DPP10: variants seen among roughly 807,000 people sequenced by gnomAD.
DPP10 encodes the protein inactive dipeptidyl peptidase 10.
In DPP10, 33 loss-of-function variants were observed where a neutral mutation model predicts 120.9. The ratio of observed to expected loss-of-function variants is 0.27; its 90% confidence interval spans 0.21 to 0.37. The LOEUF (loss-of-function observed/expected upper bound fraction) is 0.37, where lower values mean the gene tolerates loss of function less well. Among genes scored for constraint, DPP10 ranks in the 10% least tolerant of loss-of-function variants. The pLI is 1.00. For missense variants in DPP10, 816 were observed against 942.8 expected, an observed-to-expected ratio of 0.87 and a Z score of 1.76; for synonymous variants, 337 against 326.1, an observed-to-expected ratio of 1.03 and a Z score of -0.36.
chr2:115,528,391 C>CA (rs997308568), intron 5 of DPP10, among the ~76,000 whole-genome samples: 39 of 148,510 alleles, frequency 2.6e-4, no homozygotes, highest in Non-Finnish European at 3.3e-4. Context: ...AAATAAAAAC[C>CA]AAAAAAAAGA....
At chr2:115,071,035 A>G (rs1316521955) in intron 1 of DPP10, among the ~76,000 whole-genome samples, 1 of 152,202 alleles carries the variant, frequency 6.6e-6, no homozygotes, top group Non-Finnish European at 1.5e-5. Flanking sequence ...TAATGTTGCA[A>G]TTAAATGTCT....
At chr2:114,762,885 A>G (rs1162973542) in intron 1 of DPP10, among the ~76,000 whole-genome samples, 3 of 152,208 alleles carry the variant, frequency 2.0e-5, no homozygotes, top group African/African-American at 7.2e-5. Flanking sequence ...GAGATAAGAG[A>G]CACAGACTTT....
chr2:115,245,291 A>G (rs1559305463), intron 1 of DPP10, among the ~76,000 whole-genome samples: 1 of 152,088 alleles, frequency 6.6e-6, no homozygotes, highest in Non-Finnish European at 1.5e-5. Context: ...GCAAAAACAA[A>G]TAACCTCATC....
intron 4 of DPP10, among the ~76,000 whole-genome samples, chr2:115,509,658 T>C (rs978209698): frequency 5.3e-5 from 8 of 152,018 alleles, no homozygotes; most frequent in African/African-American, 1.7e-4. Context: ...AGAGCAAGAC[T>C]CTGTCTCAAA....
chr2:115,437,226 C>T (rs763412849), intron 3 of DPP10, among the ~76,000 whole-genome samples: 8 of 152,054 alleles, frequency 5.3e-5, no homozygotes, highest in Non-Finnish European at 1.0e-4. Context: ...AAGGAGATTT[C>T]TACTGAATTA....
intron 1 of DPP10, among the ~76,000 whole-genome samples, chr2:115,087,234 G>A (rs60600614): frequency 0.14 from 21,029 of 152,176 alleles, 1,676 homozygotes; most frequent in East Asian, 0.17. Context: ...AGTAGGCCGC[G>A]AGTTAAAAGA....
intron 11 of DPP10, among the ~76,000 whole-genome samples, chr2:115,759,770 G>A (rs1035361067): frequency 6.6e-6 from 1 of 152,036 alleles, no homozygotes; most frequent in African/African-American, 2.4e-5. Flanking sequence ...CAACACTTTG[G>A]GAGGCGGAGG....
At chr2:115,552,530 T>A (rs760079485) in intron 5 of DPP10, among the ~76,000 whole-genome samples, 2 of 152,100 alleles carry the variant, frequency 1.3e-5, no homozygotes, top group Non-Finnish European at 2.9e-5. Flanking sequence ...TCATCTCCCC[T>A]TTTATCTTGG....
intron 19 of DPP10, among the ~76,000 whole-genome samples, chr2:115,805,259 C>A (rs983988804): frequency 6.6e-6 from 1 of 152,120 alleles, no homozygotes; most frequent in Non-Finnish European, 1.5e-5. Flanking sequence ...CCTGGTGCAC[C>A]GTTTGTGAAG....
intron 3 of DPP10, among the ~76,000 whole-genome samples, chr2:115,431,194 A>G (rs369326725): frequency 1.2e-4 from 19 of 152,360 alleles, no homozygotes; most frequent in African/African-American, 3.8e-4. Context: ...TGTCCTGACC[A>G]GAGATCTAAA....
intron 12 of DPP10, among the ~76,000 whole-genome samples, chr2:115,764,671 T>C (rs534172582): frequency 1.3e-5 from 2 of 152,288 alleles, no homozygotes; most frequent in Non-Finnish European, 2.9e-5. Flanking sequence ...TTTATGAATG[T>C]TTAATAGAAA....
At chr2:114,732,662 T>C (rs1300597151) in intron 1 of DPP10, among the ~76,000 whole-genome samples, 1 of 152,214 alleles carries the variant, frequency 6.6e-6, no homozygotes, top group Admixed American at 6.5e-5. Context: ...GGAGAAATTA[T>C]ACTATGGATT....
In DPP10 at chr2:114,851,910, A is replaced by G. The variant is rs143732704; in HGVS notation, c.60+409072A>G. 5.8e-3 allele frequency among the ~76,000 whole-genome samples: 888 copies of G among 151,916 alleles called. 10 individuals are homozygous for G. Among genetic ancestry groups the G allele is most frequent in the African/African-American group, 0.021 (853 of 41,418 alleles). ...CTCCCATTTCTAATTCATTATCTTT[A>G]TTTCTCTTGGAGTTTTTTTCATGAA... is the stretch of plus-strand genomic sequence containing the variant. On this transcript the variant is annotated intron_variant, in intron 1 of 25. Coordinates refer to ENST00000410059, the MANE Select transcript of DPP10 (RefSeq NM_020868.6).
intron 8 of DPP10, among the ~76,000 whole-genome samples, chr2:115,729,172 A>G (rs1399751485): frequency 1.3e-5 from 2 of 152,180 alleles, no homozygotes; most frequent in Admixed American, 6.5e-5. Context: ...TGGCTTTTCT[A>G]TTTCAAAGAG....
chr2:115,445,685 A>G (rs754194660), intron 3 of DPP10, among the ~76,000 whole-genome samples: 8 of 152,190 alleles, frequency 5.3e-5, no homozygotes, highest in Admixed American at 1.3e-4. Flanking sequence ...GACAGAGCAT[A>G]AAAGTTTAGA....
chr2:115,835,300 A>C (rs1056926085), intron 21 of DPP10, among the ~76,000 whole-genome samples: 2 of 152,208 alleles, frequency 1.3e-5, no homozygotes, highest in African/African-American at 2.4e-5. Flanking sequence ...CAAAGGCATA[A>C]GGATGTAGGA....
intron 3 of DPP10, among the ~76,000 whole-genome samples, chr2:115,382,934 T>A (rs975462733): frequency 1.5e-4 from 23 of 152,258 alleles, no homozygotes; most frequent in Admixed American, 1.2e-3. Context: ...TCTCTCCTAC[T>A]CTGCCACAGC....
chr2:114,689,851 A>G (rs1011424670), intron 1 of DPP10, among the ~76,000 whole-genome samples: 3 of 150,176 alleles, frequency 2.0e-5, no homozygotes, highest in East Asian at 2.0e-4. Context: ...TTTTTTTTTC[A>G]TATGTTGGTT....
At chr2:115,697,607 AT>A (rs2091662067) in intron 7 of DPP10, among the ~76,000 whole-genome samples, 1 of 151,834 alleles carries the variant, frequency 6.6e-6, no homozygotes, top group African/African-American at 2.4e-5. Context: ...TATTTCTACC[AT>A]AATTGTTGGT....
Sources: allele counts gnomAD v4.1 joint callset (sites outside exome capture counted in the v4.1 genomes callset), GRCh38; gene constraint gnomAD v4.1.1; transcripts MANE v1.5; gene names NCBI Gene and HGNC (gene_info 2026-07-23, HGNC 2026-07-21).